The following GNAQ variants were observed in gnomAD, a reference collection of about 807,000 sequenced individuals.
The protein encoded by GNAQ is G protein subunit alpha q, also known as guanine nucleotide-binding protein G(q) subunit alpha.
Under a neutral mutation model 43.9 loss-of-function variants are expected in GNAQ, and 8 were observed. The ratio of observed to expected loss-of-function variants is 0.18; its 90% CI spans 0.11 to 0.33. The LOEUF (loss-of-function observed/expected upper bound fraction) is 0.33, where lower values mean the gene tolerates loss of function less well. GNAQ is among the 10% of genes least tolerant of loss of function. The probability of loss-of-function intolerance (pLI) is 1.00; values close to 1 mark genes in which losing one functional copy is unlikely to be tolerated. For missense variants in GNAQ, 158 were observed against 450.8 expected (o/e 0.35, Z 5.88); for synonymous variants, 155 against 170.7 (o/e 0.91, Z 0.71).
intron 5 of GNAQ, among the ~76,000 whole-genome samples, chr9:77,777,181 G>T (rs576202235): frequency 6.6e-6 from 1 of 152,206 alleles, no homozygotes; most frequent in Non-Finnish European, 1.5e-5. Flanking sequence ...AAAACCACAT[G>T]CAAAAGAATA....
chr9:77,951,471 T>A (rs1822977150), intron 1 of GNAQ, among the ~76,000 whole-genome samples: 1 of 152,218 alleles, frequency 6.6e-6, no homozygotes, highest in Admixed American at 6.5e-5. Flanking sequence ...GCCACAGGTA[T>A]TTGTGAAAAT....
chr9:77,742,141 G>A (rs1490151248), intron 5 of GNAQ, among the ~76,000 whole-genome samples: 1 of 152,078 alleles, frequency 6.6e-6, no homozygotes, highest in East Asian at 1.9e-4. Context: ...CTTACTTGTA[G>A]GTACAACAAA....
At chr9:77,877,468 G>A (rs1050395760) in intron 2 of GNAQ, among the ~76,000 whole-genome samples, 10 of 152,178 alleles carry the variant, frequency 6.6e-5, no homozygotes, top group East Asian at 3.9e-4. Context: ...ACAAGTTCAC[G>A]TATTTTCAAA....
At chr9:77,724,325 G>T (rs1825364785) in intron 6 of GNAQ, among the ~76,000 whole-genome samples, 1 of 152,090 alleles carries the variant, frequency 6.6e-6, no homozygotes, top group African/African-American at 2.4e-5. Flanking sequence ...GTGGGTAGCT[G>T]GGACTACAGG....
rs1369659763 is a variant in GNAQ at position 77,770,905 on chromosome 9, G to GAAAAATAAAACATTTTTCATTTTCTGAA, written c.735+23530_735+23557dup. 2.6e-4 allele frequency among the ~76,000 whole-genome samples: 39 copies of GAAAAATAAAACATTTTTCATTTTCTGAA among 152,066 alleles called. 1 individual carries two copies. Among genetic ancestry groups the GAAAAATAAAACATTTTTCATTTTCTGAA allele is most frequent in the African/African-American group, 8.0e-4 (33 of 41,464 alleles). On this transcript the variant is annotated intron_variant, in intron 5 of 6. Transcript: ENST00000286548. ...TTAAGATTTTTATTTTTCAGATCAT[G>GAAAAATAAAACATTTTTCATTTTCTGAA]AAAAATAAAACATTTTTCATTTTCT... is the stretch of plus-strand genomic sequence containing the variant.
intron 2 of GNAQ, among the ~76,000 whole-genome samples, chr9:77,861,956 G>A (rs1827861126): frequency 1.4e-5 from 2 of 145,926 alleles, no homozygotes; most frequent in Admixed American, 7.1e-5. Flanking sequence ...GGTGAGCTGA[G>A]ATCGTGCCAC....
At chr9:77,746,865 G>C (rs1257814921) in intron 5 of GNAQ, among the ~76,000 whole-genome samples, 1 of 152,166 alleles carries the variant, frequency 6.6e-6, no homozygotes, top group African/African-American at 2.4e-5. Flanking sequence ...TAAGAGTTAG[G>C]AGTTAAGGGC....
intron 1 of GNAQ, among the ~76,000 whole-genome samples, chr9:77,995,193 T>C (rs970665766): frequency 5.3e-5 from 8 of 152,178 alleles, no homozygotes; most frequent in Non-Finnish European, 1.0e-4. Flanking sequence ...CCCCCATTTA[T>C]AGATGAAGAA....
intron 1 of GNAQ, among the ~76,000 whole-genome samples, chr9:78,022,147 C>T (rs530193929): frequency 1.3e-3 from 192 of 152,268 alleles, no homozygotes; most frequent in African/African-American, 4.5e-3. Context: ...AAGAGAAGAG[C>T]CAGGCCAACC....
chr9:77,911,014 T>G (rs888905633), intron 2 of GNAQ, among the ~76,000 whole-genome samples: 1 of 152,218 alleles, frequency 6.6e-6, no homozygotes, highest in Non-Finnish European at 1.5e-5. Flanking sequence ...TAGAACCATA[T>G]GTCAAATACT....
At chr9:77,778,291 A>C (rs977070716) in intron 5 of GNAQ, among the ~76,000 whole-genome samples, 2 of 151,796 alleles carry the variant, frequency 1.3e-5, no homozygotes, top group African/African-American at 4.8e-5. Flanking sequence ...AAGGGATGGA[A>C]AGAAGGAATT....
chr9:77,929,336 G>A (rs4641131), intron 1 of GNAQ, among the ~76,000 whole-genome samples: 41,770 of 152,050 alleles, frequency 0.27, 5,885 homozygotes, highest in South Asian at 0.43. Flanking sequence ...GAGGGAGAAG[G>A]TAAGACTGGA....
intron 1 of GNAQ, among the ~76,000 whole-genome samples, chr9:77,998,874 G>A (rs143567130): frequency 0.06 from 9,065 of 151,976 alleles, 309 homozygotes; most frequent in African/African-American, 0.064. Flanking sequence ...ATCACCTGAG[G>A]TCAGGAGTTC....
chr9:77,907,256 A>C (rs1164898468), intron 2 of GNAQ, among the ~76,000 whole-genome samples: 1 of 152,162 alleles, frequency 6.6e-6, no homozygotes, highest in Non-Finnish European at 1.5e-5. Flanking sequence ...GTGGTAATTA[A>C]GATGCCTTCC....
At chr9:77,977,797 C>T (rs1823322989) in intron 1 of GNAQ, among the ~76,000 whole-genome samples, 1 of 152,100 alleles carries the variant, frequency 6.6e-6, no homozygotes, top group Admixed American at 6.5e-5. Context: ...ATACTTCTGC[C>T]ATATTTTGAT....
At chr9:77,756,332 T>C (rs1300252149) in intron 5 of GNAQ, among the ~76,000 whole-genome samples, 1 of 152,250 alleles carries the variant, frequency 6.6e-6, no homozygotes, top group East Asian at 1.9e-4. Context: ...GTTGTGGATT[T>C]CTGAAAAGCC....
At chr9:77,968,209 A>T (rs1394004022) in intron 1 of GNAQ, among the ~76,000 whole-genome samples, 2 of 151,728 alleles carry the variant, frequency 1.3e-5, no homozygotes, top group Non-Finnish European at 2.9e-5. Flanking sequence ...TATATGTCAA[A>T]TTTTTTTTTA....
At chr9:77,737,278 G>A (rs1825589031) in intron 5 of GNAQ, among the ~76,000 whole-genome samples, 1 of 152,182 alleles carries the variant, frequency 6.6e-6, no homozygotes, top group Non-Finnish European at 1.5e-5. Context: ...TGCCACCACT[G>A]CCTTTTAAAA....
intron 5 of GNAQ, among the ~76,000 whole-genome samples, chr9:77,776,787 T>A (rs1826311928): frequency 6.6e-6 from 1 of 151,948 alleles, no homozygotes; most frequent in African/African-American, 2.4e-5. Flanking sequence ...AATATACATC[T>A]TCTCGCATGT....
Sources: gnomAD v4.1 joint callset for allele counts (sites outside exome capture counted in the v4.1 genomes callset) on GRCh38, gnomAD v4.1.1 for gene constraint, MANE v1.5 for transcripts, NCBI Gene and HGNC (gene_info 2026-07-23, HGNC 2026-07-21) for gene names.